The following UGT2B4 variants were observed in gnomAD, a reference collection of about 807,000 sequenced individuals.
UGT2B4 encodes UDP glucuronosyltransferase family 2 member B4.
Under a neutral mutation model 49.8 loss-of-function variants are expected in UGT2B4, and 49 were observed. The observed-to-expected ratio is 0.98, with a 90% CI of 0.78 to 1.25. The LOEUF (loss-of-function observed/expected upper bound fraction) is 1.25. Among genes scored for constraint, UGT2B4 ranks in the 50% most tolerant of loss-of-function variants. UGT2B4 has a pLI of 0.00. For missense variants in UGT2B4, 729 were observed against 627.7 expected (o/e 1.16, Z -1.73); for synonymous variants, 246 against 217.7 (o/e 1.13, Z -1.14).
chr4:69,494,182 A>G (rs1728077537), intron 1 of UGT2B4, among the ~76,000 whole-genome samples: 1 of 151,870 alleles, frequency 6.6e-6, no homozygotes, highest in Admixed American at 6.6e-5. Flanking sequence ...CGTATAAACC[A>G]CTCTTTGAGC....
Position 69,505,545 on chromosome 4 carries a change from A to G in UGT2B4, c.-105-9579T>C, listed in dbSNP as rs1728445671. On this transcript the variant is annotated intron_variant, in intron 1 of 1. Coordinates refer to the UGT2B4 transcript ENST00000510114. The stretch of plus-strand genomic sequence containing the variant: ...TCCTAAATATAAATGCACCCAACAC[A>G]GGAGCACCCAGATTCATAAAGCAAG... Among the ~76,000 whole-genome samples, 4 of 152,322 alleles carry G rather than the reference A, an allele frequency of 2.6e-5. No homozygotes were observed. The South Asian group carries it at 8.3e-4, about 32-fold the overall frequency.
intron 1 of UGT2B4, among the ~76,000 whole-genome samples, chr4:69,505,083 G>GA (rs1728435149): frequency 1.3e-5 from 2 of 151,656 alleles, no homozygotes; most frequent in African/African-American, 4.8e-5. Context: ...AATGTAGAAG[G>GA]AAAAAAAAGA....
intron 1 of UGT2B4, among the ~76,000 whole-genome samples, chr4:69,524,710 AC>A (rs1426088198): frequency 2.7e-5 from 4 of 149,080 alleles, no homozygotes; most frequent in Non-Finnish European, 6.0e-5. Flanking sequence ...AGAAAAAAAA[AC>A]CCAAATATCT....
At chr4:69,516,048 T>C (rs1266552743) in intron 1 of UGT2B4, among the ~76,000 whole-genome samples, 2 of 152,176 alleles carry the variant, frequency 1.3e-5, no homozygotes, top group Non-Finnish European at 2.9e-5. Flanking sequence ...CATATGTCTG[T>C]GTCTTCTCAT....
upstream of UGT2B4, among the ~76,000 whole-genome samples, chr4:69,496,567 T>A (rs753717743): frequency 4.6e-5 from 7 of 152,232 alleles, no homozygotes; most frequent in Non-Finnish European, 1.0e-4. Flanking sequence ...TAAAATTTAA[T>A]GTTTCATAGT....
intron 3 of UGT2B4, among the ~76,000 whole-genome samples, chr4:69,488,086 A>C (rs767067485): frequency 1.3e-4 from 20 of 152,212 alleles, no homozygotes; most frequent in Non-Finnish European, 2.6e-4. Flanking sequence ...CTTCTTGGAA[A>C]TTACAAATTA....
In UGT2B4 at chr4:69,480,574, G is replaced by A; in HGVS notation, c.*60C>T. The A allele has an allele frequency of 1.9e-6, 3 of 1,553,016 alleles. No individual in the cohort carries two copies. The highest frequency in any genetic ancestry group is 1.2e-5 in the South Asian group (1 of 80,462). The stretch of plus-strand genomic sequence containing the variant: ...ATCTCTTGTATCACAACGTCTTCTT[G>A]TTGTAATAAACTAAAGGAGTTCATT... On this transcript the variant is annotated 3_prime_UTR_variant, in exon 6 of 6. Coordinates refer to ENST00000305107, the MANE Select transcript of UGT2B4 (RefSeq NM_021139.3).
Position 69,495,578 on chromosome 4 carries a change from T to C in UGT2B4, c.284A>G (p.Lys95Arg). Residue 95 changes from lysine (K) to arginine (R), a missense_variant, in exon 1 of 6, where the codon AAG becomes AGG. Coordinates refer to ENST00000305107, the MANE Select transcript of UGT2B4 (RefSeq NM_021139.3). ...EFEDIIKQLVKRWAELPKDTF... is the reference protein window; with the variant it reads ...EFEDIIKQLVRRWAELPKDTF... ...GTCTTTTGGAAGTTCTGCCCATCTCTTAACCAGCTGCTTGATAATATCCTC... is the reference window on the plus strand; with the variant it reads ...GTCTTTTGGAAGTTCTGCCCATCTCCTAACCAGCTGCTTGATAATATCCTC... 6.2e-7 allele frequency: 1 copy of C among 1,613,980 alleles called. No homozygotes were observed. Among genetic ancestry groups the C allele is most frequent in the Non-Finnish European group, 8.5e-7 (1 of 1,179,970 alleles).
exon 1 of UGT2B4, chr4:69,525,749 T>G: frequency 8.0e-7 from 1 of 1,257,664 alleles, no homozygotes; most frequent in South Asian, 1.3e-5. Context: ...GTCCCTGTGC[T>G]CAAGCAGCTC....
chr4:69,509,783 T>G (rs1728561094), intron 1 of UGT2B4, among the ~76,000 whole-genome samples: 1 of 152,200 alleles, frequency 6.6e-6, no homozygotes, highest in Non-Finnish European at 1.5e-5. Context: ...CTTGACAGTA[T>G]GTCTCCTGTT....
intron 1 of UGT2B4, among the ~76,000 whole-genome samples, chr4:69,524,435 G>T (rs138415074): frequency 1.3e-3 from 198 of 151,906 alleles, no homozygotes; most frequent in African/African-American, 4.6e-3. Flanking sequence ...AGTGGTTCAT[G>T]GGGCACTCAG....
intron 2 of UGT2B4, among the ~76,000 whole-genome samples, chr4:69,492,611 A>G (rs990052309): frequency 6.6e-6 from 1 of 152,146 alleles, no homozygotes; most frequent in Non-Finnish European, 1.5e-5. Flanking sequence ...TAAATGAGGA[A>G]TAATATCTCA....
chr4:69,516,356 G>A (rs1728733420), intron 1 of UGT2B4, among the ~76,000 whole-genome samples: 1 of 152,172 alleles, frequency 6.6e-6, no homozygotes, highest in Admixed American at 6.5e-5. Context: ...CCAGTAATGG[G>A]AACGCTGAGT....
chr4:69,502,904 C>T (rs577871156), intron 1 of UGT2B4, among the ~76,000 whole-genome samples: 2 of 152,158 alleles, frequency 1.3e-5, no homozygotes. Flanking sequence ...AAACAGGGAA[C>T]CCCTGGCTTG....
chr4:69,485,338 G>A lies in UGT2B4; in HGVS notation c.1180C>T (p.Pro394Ser). The A allele has an allele frequency of 6.2e-7, 1 of 1,613,992 alleles. No homozygotes were observed. Among genetic ancestry groups the A allele is most frequent in the Non-Finnish European group, 8.5e-7 (1 of 1,179,932 alleles). The change falls in exon 5 of 6, where the codon CCA becomes TCA. Residue 394 changes from proline (P) to serine (S), a missense_variant. Transcript: ENST00000305107. ...IYHGIPMVGV[P>S]LFADQPDNIA... is the part of the protein sequence containing the mutation. ...TTATCAGGTTGATCTGCAAACAATGGAACGCCCACCATAGGGATTCCATGG... is the reference window on the plus strand; with the variant it reads ...TTATCAGGTTGATCTGCAAACAATGAAACGCCCACCATAGGGATTCCATGG...
At chr4:69,500,548 A>T (rs1199201334), upstream of UGT2B4, among the ~76,000 whole-genome samples, 1 of 148,472 alleles carries the variant, frequency 6.7e-6, no homozygotes, top group African/African-American at 2.5e-5. Flanking sequence ...AGAAAGAAAG[A>T]CAAGAAAGAA....
intron 5 of UGT2B4, among the ~76,000 whole-genome samples, chr4:69,481,979 A>T (rs909955648): frequency 2.0e-5 from 3 of 152,124 alleles, no homozygotes; most frequent in Non-Finnish European, 4.4e-5. Context: ...ATAAAATCCA[A>T]CTCTGTTATT....
At position 69,512,745 on chromosome 4, in the gene UGT2B4, TTTG is replaced by T. The variant is rs869149831; in HGVS notation, c.-106+12939_-106+12941del. On this transcript the variant is annotated intron_variant, in intron 1 of 1. Coordinates refer to the UGT2B4 transcript ENST00000510114. The stretch of plus-strand genomic sequence containing the variant: ...TTTTTTGTTTGTTTGTTTGTTTTGT[TTTG>T]TTTTGTTTGACTTTTGTATAATAGC... 7.2e-5 allele frequency among the ~76,000 whole-genome samples: 11 copies of T among 152,162 alleles called. 1 individual carries two copies. The highest frequency in any genetic ancestry group is 2.4e-4 in the African/African-American group (10 of 41,546).
At chr4:69,519,695 C>T (rs1728804524) in intron 1 of UGT2B4, among the ~76,000 whole-genome samples, 1 of 152,156 alleles carries the variant, frequency 6.6e-6, no homozygotes, top group African/African-American at 2.4e-5. Flanking sequence ...AGATCTTCAC[C>T]CTAAAACAGT....
Sources: gnomAD v4.1 joint callset for allele counts (sites outside exome capture counted in the v4.1 genomes callset) on GRCh38, gnomAD v4.1.1 for gene constraint, MANE v1.5 for transcripts, NCBI Gene and HGNC (gene_info 2026-07-23, HGNC 2026-07-21) for gene names.